The following MEI4 variants were observed in gnomAD, a reference collection of about 807,000 sequenced individuals.
MEI4 encodes the protein meiosis-specific protein MEI4.
MEI4 carries 27 observed loss-of-function variants against 31.4 expected under a neutral mutation model. The ratio of observed to expected loss-of-function variants is 0.86; its 90% confidence interval spans 0.63 to 1.19. The LOEUF is 1.19. Ranked by LOEUF, MEI4 falls within the 50% of genes most tolerant of loss-of-function variation. The pLI, the probability that MEI4 is intolerant of heterozygous loss-of-function variation, is 0.00. For synonymous variants in MEI4, 122 were observed against 145.4 expected (o/e 0.84, Z 1.16); for missense variants, 329 against 398.9 (o/e 0.82, Z 1.49).
At chr6:77,868,351 A>G (rs2127724282) in intron 4 of MEI4, among the ~76,000 whole-genome samples, 1 of 151,456 alleles carries the variant, frequency 6.6e-6, no homozygotes, top group South Asian at 2.1e-4. Context: ...ATGAAAAATT[A>G]TGCAAGTAAA....
chr6:77,898,026 T>G (rs1205296639), intron 4 of MEI4, among the ~76,000 whole-genome samples: 1 of 152,050 alleles, frequency 6.6e-6, no homozygotes, highest in African/African-American at 2.4e-5. Context: ...ATTGATTTTA[T>G]GTATGTAAGT....
At chr6:77,689,347 TGTCA>T (rs1769115937) in intron 1 of MEI4, among the ~76,000 whole-genome samples, 1 of 152,106 alleles carries the variant, frequency 6.6e-6, no homozygotes, top group African/African-American at 2.4e-5. Context: ...TTTAACTATT[TGTCA>T]GTCCATTTTC....
chr6:77,751,940 C>T (rs1767786407), intron 2 of MEI4, among the ~76,000 whole-genome samples: 1 of 152,154 alleles, frequency 6.6e-6, no homozygotes, highest in Admixed American at 6.5e-5. Flanking sequence ...TCGGCTTCAT[C>T]CTTGGGATGC....
intron 3 of MEI4, among the ~76,000 whole-genome samples, chr6:77,787,425 G>C (rs1047561962): frequency 3.3e-4 from 51 of 152,268 alleles, no homozygotes; most frequent in African/African-American, 1.2e-3. Context: ...CCTGGTGGTT[G>C]GTGGGGTGGT....
intron 4 of MEI4, among the ~76,000 whole-genome samples, chr6:77,841,334 T>TATA (rs1554168570): frequency 1.9e-3 from 63 of 32,740 alleles, no homozygotes; most frequent in Admixed American, 4.6e-3. Flanking sequence ...TATATATATA[T>TATA]TTTTTTTTTT....
chr6:77,669,875 A>G (rs1232800155), intron 1 of MEI4, among the ~76,000 whole-genome samples: 1 of 152,186 alleles, frequency 6.6e-6, no homozygotes, highest in Admixed American at 6.5e-5. Context: ...CTGCATTTTA[A>G]CCAAGCTGTC....
At chr6:77,913,896 T>C (rs1182433300) in intron 4 of MEI4, among the ~76,000 whole-genome samples, 1 of 151,658 alleles carries the variant, frequency 6.6e-6, no homozygotes, top group Admixed American at 6.6e-5. Flanking sequence ...TAGCTGAGTG[T>C]GGTGGCGGGC....
chr6:77,887,113 C>T (rs1483522552), intron 4 of MEI4, among the ~76,000 whole-genome samples: 5 of 151,202 alleles, frequency 3.3e-5, no homozygotes, highest in Non-Finnish European at 4.4e-5. Context: ...TCCCTCTGAG[C>T]GCTGCCTTTG....
chr6:77,741,624 A>C (rs528065393), intron 2 of MEI4, among the ~76,000 whole-genome samples: 1 of 151,790 alleles, frequency 6.6e-6, no homozygotes, highest in African/African-American at 2.4e-5. Context: ...TTTTAATTTT[A>C]ATTTTTATTT....
At chr6:77,804,827 A>G (rs1259807540) in intron 3 of MEI4, among the ~76,000 whole-genome samples, 2 of 152,332 alleles carry the variant, frequency 1.3e-5, no homozygotes, top group East Asian at 1.9e-4. Flanking sequence ...CATGATAGCT[A>G]TCTAGTCTTC....
chr6:77,768,843 C>T (rs918212766), intron 3 of MEI4, among the ~76,000 whole-genome samples: 1 of 152,092 alleles, frequency 6.6e-6, no homozygotes, highest in Non-Finnish European at 1.5e-5. Flanking sequence ...ATTGCATATA[C>T]AGCCTTGTCA....
intron 4 of MEI4, among the ~76,000 whole-genome samples, chr6:77,855,243 G>T (rs1770718586): frequency 6.6e-6 from 1 of 152,102 alleles, no homozygotes; most frequent in Non-Finnish European, 1.5e-5. Flanking sequence ...TATTCAGGAG[G>T]CTGAAGCAGG....
At chr6:77,774,036 GAAA>G (rs925663804) in intron 3 of MEI4, among the ~76,000 whole-genome samples, 7 of 151,896 alleles carry the variant, frequency 4.6e-5, no homozygotes, top group African/African-American at 1.2e-4. Context: ...AGGATGTGGA[GAAA>G]AAAAGACCCT....
At position 77,734,310 on chromosome 6, in the gene MEI4, C is replaced by T. The variant is rs528964314; in HGVS notation, c.233-26820C>T. 4.2e-4 allele frequency among the ~76,000 whole-genome samples: 64 copies of T among 152,030 alleles called. 1 individual carries two copies. Among genetic ancestry groups the T allele is most frequent in the African/African-American group, 1.5e-3 (63 of 41,372 alleles). On this transcript the variant is annotated intron_variant, in intron 2 of 4. Coordinates refer to ENST00000684080, the MANE Select transcript of MEI4 (RefSeq NM_001322247.2). ...GGCTTGCTTTATGAATCTGGGTGCT[C>T]CTGTATTGGGATATATATTTAGGAT...
intron 1 of MEI4, among the ~76,000 whole-genome samples, chr6:77,653,641 T>C (rs140691626): frequency 6.6e-6 from 1 of 152,290 alleles, no homozygotes; most frequent in African/African-American, 2.4e-5. Flanking sequence ...GAGAAAAGGA[T>C]CTTTTCTGAA....
intron 4 of MEI4, among the ~76,000 whole-genome samples, chr6:77,881,186 C>G (rs1771481137): frequency 6.6e-6 from 1 of 151,772 alleles, no homozygotes; most frequent in Non-Finnish European, 1.5e-5. Context: ...AACAAAAAAG[C>G]CTTCTATGTT....
At chr6:77,921,909 G>T (rs981695512) in intron 4 of MEI4, among the ~76,000 whole-genome samples, 2 of 151,722 alleles carry the variant, frequency 1.3e-5, no homozygotes, top group African/African-American at 2.4e-5. Context: ...GCAGATCACT[G>T]TAACAGATAA....
intron 2 of MEI4, among the ~76,000 whole-genome samples, chr6:77,705,010 A>G (rs986046806): frequency 6.6e-6 from 1 of 152,192 alleles, no homozygotes; most frequent in African/African-American, 2.4e-5. Context: ...TAGTGCTACA[A>G]TGACCCTAAC....
intron 3 of MEI4, among the ~76,000 whole-genome samples, chr6:77,792,862 G>A (rs1352579415): frequency 7.9e-5 from 12 of 151,860 alleles, no homozygotes; most frequent in East Asian, 5.8e-4. Context: ...ACAGGTGCAC[G>A]CCACCATGGC....
Sources: allele counts gnomAD v4.1 joint callset (sites outside exome capture counted in the v4.1 genomes callset), GRCh38; gene constraint gnomAD v4.1.1; transcripts MANE v1.5; gene names NCBI Gene and HGNC (gene_info 2026-07-23, HGNC 2026-07-21).